HCN1: variants seen among roughly 807,000 people sequenced by gnomAD.
The protein encoded by HCN1 is hyperpolarization activated cyclic nucleotide gated potassium channel 1, also known as potassium/sodium hyperpolarization-activated cyclic nucleotide-gated channel 1.
Under a neutral mutation model 78.9 loss-of-function variants are expected in HCN1, and 13 were observed. The ratio of observed to expected loss-of-function variants is 0.16; its 90% CI spans 0.11 to 0.26. HCN1 has a LOEUF of 0.26. HCN1 is among the 10% of genes least tolerant of loss of function. The pLI is 1.00. For missense variants in HCN1, 810 were observed against 1,154.3 expected, an observed-to-expected ratio of 0.70 and a Z score of 4.32; for synonymous variants, 552 against 455.5, an observed-to-expected ratio of 1.21 and a Z score of -2.70.
intron 2 of HCN1, among the ~76,000 whole-genome samples, chr5:45,473,500 G>T (rs779527550): frequency 3.3e-5 from 5 of 151,214 alleles, no homozygotes; most frequent in Non-Finnish European, 7.4e-5. Context: ...TCTTACACTG[G>T]TGCATGATGT....
At chr5:45,678,839 G>T (rs890901110) in intron 1 of HCN1, among the ~76,000 whole-genome samples, 1 of 151,816 alleles carries the variant, frequency 6.6e-6, no homozygotes, top group African/African-American at 2.4e-5. Context: ...ACTCTTTACT[G>T]TCAAATATTT....
chr5:45,615,486 T>C (rs1265073457), intron 2 of HCN1, among the ~76,000 whole-genome samples: 1 of 151,982 alleles, frequency 6.6e-6, no homozygotes, highest in Non-Finnish European at 1.5e-5. Flanking sequence ...GAGATGCTAG[T>C]GTGGGTACAG....
chr5:45,463,128 G>T lies in HCN1; in HGVS notation c.850-1121C>A, dbSNP rs796111419. ...GTTTTTGAAGTAACAAGGTAAACTTGTATTGAAAAATTATCCAAAAAATGT... is the reference window on the plus strand; with the variant it reads ...GTTTTTGAAGTAACAAGGTAAACTTTTATTGAAAAATTATCCAAAAAATGT... On this transcript the variant is annotated intron_variant, in intron 2 of 7. Coordinates refer to ENST00000303230, the MANE Select transcript of HCN1 (RefSeq NM_021072.4). 5.3e-5 allele frequency among the ~76,000 whole-genome samples: 8 copies of T among 151,952 alleles called. 1 individual carries two copies. The highest frequency in any genetic ancestry group is 1.9e-4 in the African/African-American group (8 of 41,510).
chr5:45,528,850 G>A (rs1480195321), intron 2 of HCN1, among the ~76,000 whole-genome samples: 1 of 151,776 alleles, frequency 6.6e-6, no homozygotes, highest in African/African-American at 2.4e-5. Context: ...ATGTTCTAAA[G>A]GCAAATCTAA....
intron 2 of HCN1, among the ~76,000 whole-genome samples, chr5:45,563,201 G>C (rs1743640467): frequency 1.3e-5 from 2 of 152,120 alleles, no homozygotes; most frequent in African/African-American, 4.8e-5. Flanking sequence ...TGTAATCCCA[G>C]CACTTTGGGA....
At chr5:45,401,349 T>G (rs1289916009) in intron 3 of HCN1, among the ~76,000 whole-genome samples, 2 of 152,192 alleles carry the variant, frequency 1.3e-5, no homozygotes, top group Non-Finnish European at 2.9e-5. Context: ...ATGAAATTTT[T>G]TTTTCCTTAT....
chr5:45,523,947 C>A (rs1472575968), intron 2 of HCN1, among the ~76,000 whole-genome samples: 1 of 152,132 alleles, frequency 6.6e-6, no homozygotes, highest in Non-Finnish European at 1.5e-5. Context: ...TGCCTATGTC[C>A]TGAATGGTAT....
intron 6 of HCN1, among the ~76,000 whole-genome samples, chr5:45,290,074 C>G (rs1367405139): frequency 2.0e-5 from 3 of 151,872 alleles, no homozygotes; most frequent in Non-Finnish European, 4.4e-5. Flanking sequence ...CTGCACTGTT[C>G]TTGTGACAGT....
intron 4 of HCN1, among the ~76,000 whole-genome samples, chr5:45,387,784 C>G: frequency 6.6e-6 from 1 of 152,106 alleles, no homozygotes; most frequent in Admixed American, 6.6e-5. Context: ...CCTAAAACTG[C>G]AGATAGCACC....
chr5:45,355,198 T>C (rs1434880040), intron 4 of HCN1, among the ~76,000 whole-genome samples: 1 of 152,084 alleles, frequency 6.6e-6, no homozygotes, highest in African/African-American at 2.4e-5. Flanking sequence ...TAAAGTTATA[T>C]GACTATTTCT....
chr5:45,591,770 A>G (rs932432403), intron 2 of HCN1, among the ~76,000 whole-genome samples: 1 of 152,152 alleles, frequency 6.6e-6, no homozygotes, highest in Non-Finnish European at 1.5e-5. Flanking sequence ...TGTCTTTCAC[A>G]GAGCAGAAGT....
intron 3 of HCN1, among the ~76,000 whole-genome samples, chr5:45,437,094 A>T (rs1740572720): frequency 6.6e-6 from 1 of 152,166 alleles, no homozygotes; most frequent in African/African-American, 2.4e-5. Flanking sequence ...TTTCAAAAGA[A>T]ATGCATGCAG....
At chr5:45,627,729 T>C (rs1327708246) in intron 2 of HCN1, among the ~76,000 whole-genome samples, 1 of 152,198 alleles carries the variant, frequency 6.6e-6, no homozygotes, top group East Asian at 1.9e-4. Context: ...TAAGAGTCTA[T>C]CATATATAGT....
intron 4 of HCN1, among the ~76,000 whole-genome samples, chr5:45,372,637 T>TA (rs71000629): frequency 4.1e-4 from 53 of 129,718 alleles, no homozygotes; most frequent in East Asian, 1.4e-3. Flanking sequence ...ATAAAACATT[T>TA]TATATAAAAA....
rs191211652 is a variant in HCN1, at chr5:45,631,032, A to G, written c.849+14153T>C. On this transcript the variant is annotated intron_variant, in intron 2 of 7. Coordinates refer to ENST00000303230, the MANE Select transcript of HCN1 (RefSeq NM_021072.4). ...TCCACTATGACCTCATTAGCTAGCT[A>G]GATGGTTGTCTGGGACCAAAAACAT... is the stretch of plus-strand genomic sequence containing the variant. Among the ~76,000 whole-genome samples the G allele has an allele frequency of 7.2e-5, 11 of 152,312 alleles. No individual in the cohort carries two copies. The East Asian group carries it at 2.1e-3, about 29-fold the overall frequency.
At chr5:45,288,489 T>A (rs1453748202) in intron 6 of HCN1, among the ~76,000 whole-genome samples, 1 of 151,988 alleles carries the variant, frequency 6.6e-6, no homozygotes, top group Non-Finnish European at 1.5e-5. Context: ...GTCTTAATAA[T>A]CTCATTTTAC....
chr5:45,366,190 GTA>G (rs1491243577), intron 4 of HCN1, among the ~76,000 whole-genome samples: 1 of 148,674 alleles, frequency 6.7e-6, no homozygotes, highest in African/African-American at 2.5e-5. Flanking sequence ...GTGTGTGTGT[GTA>G]TGTGTGTACA....
At chr5:45,513,754 T>C (rs942687319) in intron 2 of HCN1, among the ~76,000 whole-genome samples, 2 of 152,150 alleles carry the variant, frequency 1.3e-5, no homozygotes, top group African/African-American at 4.8e-5. Context: ...CACCCCTGAC[T>C]GTGGAAAAAT....
intron 5 of HCN1, among the ~76,000 whole-genome samples, chr5:45,329,983 T>C (rs565041976): frequency 6.6e-6 from 1 of 151,504 alleles, no homozygotes; most frequent in African/African-American, 2.4e-5. Flanking sequence ...CAATTACATA[T>C]ATAGATTTTC....
Sources: gnomAD v4.1 joint callset for allele counts (sites outside exome capture counted in the v4.1 genomes callset) on GRCh38, gnomAD v4.1.1 for gene constraint, MANE v1.5 for transcripts, NCBI Gene and HGNC (gene_info 2026-07-23, HGNC 2026-07-21) for gene names.